SNCAIP: variants seen among roughly 807,000 people sequenced by gnomAD.
The protein encoded by SNCAIP is synphilin-1.
Under a neutral mutation model 86.7 loss-of-function variants are expected in SNCAIP, and 43 were observed. The observed-to-expected ratio is 0.50, with a 90% confidence interval of 0.39 to 0.64. SNCAIP has a LOEUF of 0.64. Among genes scored for constraint, SNCAIP ranks in the 30% least tolerant of loss-of-function variants. The pLI is 0.00. For synonymous variants in SNCAIP, 417 were observed against 427.2 expected (o/e 0.98, Z 0.29); for missense variants, 981 against 1,103.1 (o/e 0.89, Z 1.57).
rs577381576 is a variant in SNCAIP at position 122,385,838 on chromosome 5, A to T, written c.-46-5251A>T. Among the ~76,000 whole-genome samples, 5 of 152,264 alleles carry T rather than the reference A, an allele frequency of 3.3e-5. No homozygotes were observed. The East Asian group carries it at 9.7e-4, about 29-fold the overall frequency. On this transcript the variant is annotated intron_variant, in intron 1 of 10. Coordinates refer to ENST00000261368, the MANE Select transcript of SNCAIP (RefSeq NM_005460.4). ...TGTACTCTGCTCATTTATTTTGACA[A>T]ATCCAACTTACTTTTAATTACCAGG...
chr5:122,425,447 A>T lies in SNCAIP; in HGVS notation c.1098A>T (p.Leu366=). Residue 366 remains leucine (L), a synonymous_variant, in exon 5 of 11, where the codon CTA becomes CTT. Coordinates refer to ENST00000261368, the MANE Select transcript of SNCAIP (RefSeq NM_005460.4). The stretch of plus-strand genomic sequence containing the variant: ...CGTCACAGGGACACGCAGAGTGTCT[A>T]CAGCACCTCACTTCTTTGATGGGAG... The part of the protein sequence containing the change: ...IAASQGHAEC[L]QHLTSLMGED... 1 of 1,613,974 alleles carries T rather than the reference A, an allele frequency of 6.2e-7. No individual in the cohort carries two copies. Among genetic ancestry groups the T allele is most frequent in the Non-Finnish European group, 8.5e-7 (1 of 1,179,806 alleles).
At chr5:122,456,760 T>G (rs1190482705) in intron 10 of SNCAIP, among the ~76,000 whole-genome samples, 1 of 152,238 alleles carries the variant, frequency 6.6e-6, no homozygotes, top group Non-Finnish European at 1.5e-5. Flanking sequence ...TTTTAACTCA[T>G]ATGCTTGATT....
intron 1 of SNCAIP, among the ~76,000 whole-genome samples, chr5:122,347,163 C>T (rs1244492857): frequency 3.3e-5 from 5 of 151,968 alleles, no homozygotes; most frequent in Non-Finnish European, 4.4e-5. Flanking sequence ...TTCAAGAATC[C>T]AGTGTTATTT....
At chr5:122,360,968 GA>G (rs958057979) in intron 1 of SNCAIP, among the ~76,000 whole-genome samples, 18 of 148,974 alleles carry the variant, frequency 1.2e-4, no homozygotes, top group African/African-American at 7.4e-5. Flanking sequence ...GGTAAATAGT[GA>G]AAAAAAAATC....
At position 122,463,724 on chromosome 5, in the gene SNCAIP, G is replaced by A. The variant is rs1026836928; in HGVS notation, c.*228G>A. ...TGCCTTAAATTTATAGTAGTAGACTGTAAAAGATTCATTTTGGGGTGATAT... is the reference window on the plus strand; with the variant it reads ...TGCCTTAAATTTATAGTAGTAGACTATAAAAGATTCATTTTGGGGTGATAT... On this transcript the variant is annotated 3_prime_UTR_variant, in exon 11 of 11. Coordinates refer to ENST00000261368, the MANE Select transcript of SNCAIP (RefSeq NM_005460.4). 5 of 516,032 alleles carry A rather than the reference G, an allele frequency of 9.7e-6. No homozygotes were observed. In the East Asian group the frequency reaches 1.2e-4, roughly 12 times the overall value. The allele number at this position is 516,032 out of a possible 1,614,324, so 32.0% of individuals were successfully genotyped here. A position where few individuals can be genotyped will look rare whatever the true frequency, so the allele number is the denominator to read the frequency against.
chr5:122,396,702 A>G (rs1580977644), intron 2 of SNCAIP, among the ~76,000 whole-genome samples: 1 of 152,186 alleles, frequency 6.6e-6, no homozygotes, highest in Non-Finnish European at 1.5e-5. Context: ...TAAGCACATT[A>G]TGAAGTCAGG....
intron 3 of SNCAIP, among the ~76,000 whole-genome samples, chr5:122,405,979 G>A (rs56184256): frequency 6.6e-6 from 1 of 152,108 alleles, no homozygotes; most frequent in Admixed American, 6.6e-5. Context: ...AGACCTGACA[G>A]GAAATGGATT....
At chr5:122,390,429 G>C (rs1050645792) in intron 1 of SNCAIP, among the ~76,000 whole-genome samples, 2 of 152,178 alleles carry the variant, frequency 1.3e-5, no homozygotes, top group Admixed American at 1.3e-4. Flanking sequence ...GACTGAAGAC[G>C]TTCCGGGGCC....
chr5:122,423,246 A>G lies in SNCAIP; in HGVS notation c.509A>G (p.Lys170Arg). Residue 170 changes from lysine (K) to arginine (R), a missense_variant, in exon 4 of 11, where the codon AAG (lysine) becomes AGG (arginine). Transcript: ENST00000261368. Reference protein sequence around the residue: ...KSSQQLASFTKVTSEKRILGL... With the variant: ...KSSQQLASFTRVTSEKRILGL... Reference sequence around the variant, plus strand: ...AGTCAGCAGCTTGCCTCTTTTACCAAGGTGACTTCAGAAAAAAGAATTTTG... The same window carrying G: ...AGTCAGCAGCTTGCCTCTTTTACCAGGGTGACTTCAGAAAAAAGAATTTTG... 6.2e-7 allele frequency: 1 copy of G among 1,614,214 alleles called. No individual in the cohort carries two copies.
chr5:122,325,177 C>T (rs921644966), intron 1 of SNCAIP, among the ~76,000 whole-genome samples: 3 of 152,096 alleles, frequency 2.0e-5, no homozygotes, highest in Non-Finnish European at 1.5e-5. Flanking sequence ...TTATCAGATC[C>T]ATTCTCCCTT....
At chr5:122,386,156 A>G (rs1768086678) in intron 1 of SNCAIP, among the ~76,000 whole-genome samples, 1 of 152,206 alleles carries the variant, frequency 6.6e-6, no homozygotes, top group Admixed American at 6.5e-5. Flanking sequence ...GCCATTATGC[A>G]ACAGATTTTT....
At chr5:122,407,572 A>C (rs1320446004) in intron 3 of SNCAIP, among the ~76,000 whole-genome samples, 1 of 152,268 alleles carries the variant, frequency 6.6e-6, no homozygotes, top group Non-Finnish European at 1.5e-5. Context: ...AAGGACTTTC[A>C]AAATCATCTA....
In SNCAIP at chr5:122,449,924, CCTT is replaced by C. The variant is rs759753314; in HGVS notation, c.1677_1679del (p.Ser560del). Reference sequence around the variant, plus strand: ...CCAGAAATCAGAGGGCAAGTCACTCCCTTCTTCACCCAGGTAATACCAGCACAT... The same window carrying C: ...CCAGAAATCAGAGGGCAAGTCACTCCCTTCACCCAGGTAATACCAGCACAT... On this transcript the variant is annotated inframe_deletion, in exon 9 of 11. Coordinates refer to ENST00000261368, the MANE Select transcript of SNCAIP (RefSeq NM_005460.4). 1.7e-5 allele frequency: 28 copies of C among 1,610,328 alleles called. No individual in the cohort carries two copies. The African/African-American group carries it at 3.5e-4, about 20-fold the overall frequency.
chr5:122,463,226 A>G (rs899573730), intron 10 of SNCAIP, among the ~76,000 whole-genome samples: 2 of 152,250 alleles, frequency 1.3e-5, no homozygotes, highest in Non-Finnish European at 2.9e-5. Context: ...AAATGCCTGT[A>G]TTTCAATCAG....
At chr5:122,444,989 A>C (rs1424913101) in intron 8 of SNCAIP, 6 of 496,048 alleles carry the variant, frequency 1.2e-5, no homozygotes, top group Non-Finnish European at 2.2e-5. Context: ...GCCAGTGGAC[A>C]AGGCGAGAGA....
chr5:122,450,873 A>G lies in SNCAIP; in HGVS notation c.2026A>G (p.Ser676Gly). The G allele has an allele frequency of 6.2e-7, 1 of 1,614,006 alleles. No individual in the cohort carries two copies. The highest frequency in any genetic ancestry group is 8.5e-7 in the Non-Finnish European group (1 of 1,179,900). ...RLRQLMQRSL[S>G]ESDTDSNNSE... is the part of the protein sequence containing the mutation. ...GAGACAGCTGATGCAGAGGTCACTG[A>G]GTGAGTCTGACACAGACTCCAACAA... The change falls in exon 10 of 11, where the codon AGT becomes GGT. Residue 676 changes from serine (S) to glycine (G), a missense_variant. Transcript: ENST00000261368.
At chr5:122,381,836 A>G (rs1766897687) in intron 1 of SNCAIP, among the ~76,000 whole-genome samples, 1 of 152,128 alleles carries the variant, frequency 6.6e-6, no homozygotes, top group African/African-American at 2.4e-5. Flanking sequence ...TCTGGGTTGA[A>G]AATTCTTGTC....
At chr5:122,448,052 G>A (rs1213801563) in intron 8 of SNCAIP, among the ~76,000 whole-genome samples, 4 of 152,170 alleles carry the variant, frequency 2.6e-5, no homozygotes, top group African/African-American at 9.7e-5. Flanking sequence ...AGTGCTTGGA[G>A]CTTATAGAAG....
chr5:122,459,184 C>G (rs1006462824), intron 10 of SNCAIP, among the ~76,000 whole-genome samples: 3 of 152,116 alleles, frequency 2.0e-5, no homozygotes, highest in Admixed American at 6.5e-5. Context: ...GATGTGCTCT[C>G]AGTCAAAACT....
Sources: gnomAD v4.1 joint callset for allele counts (sites outside exome capture counted in the v4.1 genomes callset) on GRCh38, gnomAD v4.1.1 for gene constraint, MANE v1.5 for transcripts, NCBI Gene and HGNC (gene_info 2026-07-23, HGNC 2026-07-21) for gene names.